Variants in CTNNA2 observed in about 807,000 individuals in gnomAD.
CTNNA2 encodes the protein catenin alpha-2.
A neutral mutation model predicts 101.0 loss-of-function variants in CTNNA2; 42 were observed. The observed-to-expected ratio is 0.42, with a 90% CI of 0.32 to 0.54. The LOEUF (loss-of-function observed/expected upper bound fraction) is 0.54. Among genes scored for constraint, CTNNA2 ranks in the 20% least tolerant of loss-of-function variants. CTNNA2 has a pLI of 0.14. For missense variants in CTNNA2, 871 were observed against 1,223.1 expected, an observed-to-expected ratio of 0.71 and a Z score of 4.29; for synonymous variants, 450 against 456.4, an observed-to-expected ratio of 0.99 and a Z score of 0.18.
chr2:80,318,951 T>C (rs947041723), intron 7 of CTNNA2, among the ~76,000 whole-genome samples: 8 of 152,186 alleles, frequency 5.3e-5, no homozygotes, highest in Admixed American at 5.2e-4. Context: ...TTTTAGTGTA[T>C]GTTGGAATAA....
chr2:80,597,646 C>G (rs1697102709), intron 15 of CTNNA2, among the ~76,000 whole-genome samples: 1 of 152,078 alleles, frequency 6.6e-6, no homozygotes. Flanking sequence ...ACACCACCTT[C>G]AAAAAGTGGG....
At chr2:79,817,511 C>A (rs75076977) in intron 3 of CTNNA2, among the ~76,000 whole-genome samples, 1 of 151,862 alleles carries the variant, frequency 6.6e-6, no homozygotes, top group East Asian at 1.9e-4. Context: ...TCTGGCAGCA[C>A]TCTAACCACA....
intron 9 of CTNNA2, among the ~76,000 whole-genome samples, chr2:80,495,865 G>A (rs913789439): frequency 4.0e-5 from 6 of 148,872 alleles, no homozygotes; most frequent in South Asian, 2.2e-4. Flanking sequence ...GCTTGAGCCC[G>A]GGAGACGGAG....
chr2:79,220,875 T>C (rs1674333613), intron 2 of CTNNA2, among the ~76,000 whole-genome samples: 1 of 152,176 alleles, frequency 6.6e-6, no homozygotes. Flanking sequence ...TCTGCACACA[T>C]TGTTAATCTT....
upstream of CTNNA2, among the ~76,000 whole-genome samples, chr2:79,508,178 G>C (rs1444683648): frequency 6.6e-6 from 1 of 152,078 alleles, no homozygotes; most frequent in African/African-American, 2.4e-5. Context: ...CCCTTGCCAT[G>C]ATTAATATTT....
rs1473064738 is a variant in CTNNA2, at chr2:79,958,354, A to T, written c.1056+48557A>T. Among the ~76,000 whole-genome samples the T allele has an allele frequency of 3.8e-5, 3 of 79,764 alleles. No homozygotes were observed. In the East Asian group the frequency reaches 6.8e-4, roughly 18 times the overall value. The allele number at this position is 79,764 out of a possible 152,430, so 52.3% of individuals were successfully genotyped here. Reference sequence around the variant, plus strand: ...TTCCATGGTTAAAGGGACTTTGCAGATGTAATTTAGTTAAGGATCTGGAGA... The same window carrying T: ...TTCCATGGTTAAAGGGACTTTGCAGTTGTAATTTAGTTAAGGATCTGGAGA... On this transcript the variant is annotated intron_variant, in intron 7 of 18. Coordinates refer to ENST00000402739, the MANE Select transcript of CTNNA2 (RefSeq NM_001282597.3).
chr2:80,012,502 A>G (rs953725801), intron 7 of CTNNA2, among the ~76,000 whole-genome samples: 3 of 152,100 alleles, frequency 2.0e-5, no homozygotes, highest in African/African-American at 7.2e-5. Flanking sequence ...GTCAGCAAAC[A>G]TTTTCTGTAA....
chr2:80,154,398 G>A (rs2148933477), intron 7 of CTNNA2, among the ~76,000 whole-genome samples: 1 of 152,266 alleles, frequency 6.6e-6, no homozygotes, highest in East Asian at 1.9e-4. Flanking sequence ...CTACCGGGGA[G>A]ATAGCTTATC....
At chr2:79,246,285 A>G (rs1572997287) in intron 2 of CTNNA2, among the ~76,000 whole-genome samples, 1 of 152,166 alleles carries the variant, frequency 6.6e-6, no homozygotes, top group Non-Finnish European at 1.5e-5. Context: ...GACACTAGGA[A>G]GGTCCAGACC....
chr2:79,482,356 C>T (rs1671117560), intron 4 of CTNNA2, among the ~76,000 whole-genome samples: 1 of 152,174 alleles, frequency 6.6e-6, no homozygotes, highest in Non-Finnish European at 1.5e-5. Flanking sequence ...GTGCTTTCTC[C>T]TGACCCCAAA....
At chr2:79,814,773 T>C (rs1006282340) in intron 3 of CTNNA2, among the ~76,000 whole-genome samples, 4 of 152,164 alleles carry the variant, frequency 2.6e-5, no homozygotes, top group African/African-American at 7.2e-5. Context: ...TACTGGCCTC[T>C]TTTCCTCTGG....
At chr2:79,351,313 A>C (rs2104438716) in intron 3 of CTNNA2, among the ~76,000 whole-genome samples, 1 of 152,282 alleles carries the variant, frequency 6.6e-6, no homozygotes, top group Non-Finnish European at 1.5e-5. Context: ...ATCTTGAGTT[A>C]ATTTTTGTAT....
At chr2:79,223,603 T>C (rs1235211328) in intron 2 of CTNNA2, among the ~76,000 whole-genome samples, 1 of 152,200 alleles carries the variant, frequency 6.6e-6, no homozygotes, top group Non-Finnish European at 1.5e-5. Context: ...ACTCCAGGGA[T>C]AGAAATCTTT....
intron 7 of CTNNA2, chr2:80,162,900 C>T: frequency 6.4e-7 from 1 of 1,572,328 alleles, no homozygotes. Flanking sequence ...CCTTTCGTAC[C>T]TGCTAGGAGT....
intron 3 of CTNNA2, among the ~76,000 whole-genome samples, chr2:79,803,255 C>A (rs1676302143): frequency 6.6e-6 from 1 of 152,146 alleles, no homozygotes. Context: ...GTCAGGGAGA[C>A]CCTAACCCAG....
At chr2:80,513,408 C>G (rs1688864450) in intron 9 of CTNNA2, among the ~76,000 whole-genome samples, 1 of 152,198 alleles carries the variant, frequency 6.6e-6, no homozygotes, top group Admixed American at 6.5e-5. Flanking sequence ...GACAGATTCT[C>G]TGTACCACCT....
chr2:79,635,232 C>A (rs1315694825), intron 1 of CTNNA2, among the ~76,000 whole-genome samples: 1 of 152,006 alleles, frequency 6.6e-6, no homozygotes, highest in Non-Finnish European at 1.5e-5. Flanking sequence ...GAATTCGAGA[C>A]CATCCCGGCT....
chr2:79,627,366 G>A (rs148874701), intron 1 of CTNNA2, among the ~76,000 whole-genome samples: 6 of 152,318 alleles, frequency 3.9e-5, no homozygotes, highest in South Asian at 2.1e-4. Flanking sequence ...GGAGGGGTTG[G>A]CATCCATGTT....
At chr2:79,221,881 A>G (rs1674349758) in intron 2 of CTNNA2, among the ~76,000 whole-genome samples, 1 of 152,182 alleles carries the variant, frequency 6.6e-6, no homozygotes, top group African/African-American at 2.4e-5. Flanking sequence ...GTACCTGAGG[A>G]CACTTGTGGT....
Sources: allele counts gnomAD v4.1 joint callset (sites outside exome capture counted in the v4.1 genomes callset), GRCh38; gene constraint gnomAD v4.1.1; transcripts MANE v1.5; gene names NCBI Gene and HGNC (gene_info 2026-07-23, HGNC 2026-07-21).